The following POTEB3 variants were observed in gnomAD, a reference collection of about 807,000 sequenced individuals.
POTEB3 encodes the protein POTE ankyrin domain family member B3, also known as ANKRD26-like family B member 1.
POTEB3 carries 5 observed loss-of-function variants against 39.8 expected under a neutral mutation model. The ratio of observed to expected loss-of-function variants is 0.13; its 90% CI spans 0.07 to 0.26. POTEB3 has a LOEUF of 0.26. Among genes scored for constraint, POTEB3 ranks in the 10% least tolerant of loss-of-function variants. The pLI is 1.00. For synonymous variants in POTEB3, 5 were observed against 161.5 expected (o/e 0.03, Z 7.35); for missense variants, 24 against 475.6 (o/e 0.05, Z 8.83).
intron 3 of POTEB3, among the ~76,000 whole-genome samples, chr15:21,434,117 C>T (rs1163373860): frequency 7.0e-6 from 1 of 142,426 alleles, no homozygotes; most frequent in African/African-American, 2.7e-5. Flanking sequence ...TCCCCCATTA[C>T]CTAATTTCCA....
At chr15:21,424,860 T>G (rs1364614813) in intron 6 of POTEB3, among the ~76,000 whole-genome samples, 84 of 146,622 alleles carry the variant, frequency 5.7e-4, no homozygotes, top group African/African-American at 2.1e-3. Context: ...CTGCCTCTGC[T>G]TTATATTACC....
chr15:21,409,976 T>A (rs1436809322), intron 10 of POTEB3, among the ~76,000 whole-genome samples: 1 of 82,374 alleles, frequency 1.2e-5, no homozygotes, highest in South Asian at 2.9e-4. Context: ...CCATCTAGAA[T>A]ACACACACAC....
In POTEB3 at chr15:21,410,748, T is replaced by TACAC. The variant is rs1354320634; in HGVS notation, c.1533+129_1533+130insGTGT. On this transcript the variant is annotated intron_variant, in intron 10 of 10. Transcript: ENST00000611217. ...GGGGGTGTGTGTGTGTGTGTGTATA[T>TACAC]ATACACACACACAGACACACACACA... is the stretch of plus-strand genomic sequence containing the variant. 8 of 592,560 alleles carry TACAC rather than the reference T, an allele frequency of 1.4e-5. No homozygotes were observed. In the African/African-American group the frequency reaches 4.8e-4, roughly 36 times the overall value. The allele number at this position is 592,560 out of a possible 1,614,324, so 36.7% of individuals were successfully genotyped here.
At position 21,405,677 on chromosome 15, in the gene POTEB3, C is replaced by G. The variant is rs1419239607; in HGVS notation, c.*3306G>C. On this transcript the variant is annotated 3_prime_UTR_variant, in exon 11 of 11. Coordinates refer to ENST00000611217, the MANE Select transcript of POTEB3 (RefSeq NM_207355.5). ...CTTCAGGAGCTCTTGTAAGGTAGGT[C>G]TGGTGATAATGAATTCCCTCAGCAT... Among the ~76,000 whole-genome samples the G allele has an allele frequency of 1.2e-5, 1 of 82,024 alleles. No homozygotes were observed. Among genetic ancestry groups the G allele is most frequent in the Non-Finnish European group, 2.2e-5 (1 of 46,350 alleles). 53.8% of individuals were successfully genotyped at this position (82,024 alleles called of 152,430 possible).
intron 5 of POTEB3, among the ~76,000 whole-genome samples, chr15:21,428,634 AT>A (rs374676056): frequency 7.1e-6 from 1 of 141,596 alleles, no homozygotes; most frequent in Non-Finnish European, 1.6e-5. Context: ...CTCTACTTTT[AT>A]TTTTTTTCAG....
chr15:21,433,815 G>T (rs1431559697), intron 3 of POTEB3, among the ~76,000 whole-genome samples: 1 of 151,246 alleles, frequency 6.6e-6, no homozygotes, highest in Non-Finnish European at 1.5e-5. Context: ...ATACTAAGTT[G>T]GTTAATTACT....
At chr15:21,410,827 T>C in intron 10 of POTEB3, 51 bp downstream of exon 10, 1 of 976,800 alleles carries the variant, frequency 1.0e-6, no homozygotes, top group East Asian at 4.2e-5. Flanking sequence ...ATAAAGCTTT[T>C]TAAAAATATA....
chr15:21,433,412 A>C (rs1899054668), intron 3 of POTEB3, among the ~76,000 whole-genome samples: 1 of 149,810 alleles, frequency 6.7e-6, no homozygotes, highest in Non-Finnish European at 1.5e-5. Flanking sequence ...TTAAACATAC[A>C]TATCCAGGCT....
At position 21,411,912 on chromosome 15, in the gene POTEB3, C is replaced by G; in HGVS notation, c.1410-911G>C. ...CTTATTAAGAAGAAAACTGGGAAGCCCTAGGCAGAGCAATTGGGCAAGAGA... is the reference window on the plus strand; with the variant it reads ...CTTATTAAGAAGAAAACTGGGAAGCGCTAGGCAGAGCAATTGGGCAAGAGA... On this transcript the variant is annotated intron_variant, in intron 9 of 10. Coordinates refer to ENST00000611217, the MANE Select transcript of POTEB3 (RefSeq NM_207355.5). Among the ~76,000 whole-genome samples, 3 of 69,162 alleles carry G rather than the reference C, an allele frequency of 4.3e-5. No homozygotes were observed. The South Asian group carries it at 1.1e-3, about 25-fold the overall frequency. The allele number at this position is 69,162 out of a possible 152,430, so 45.4% of individuals were successfully genotyped here.
intron 6 of POTEB3, among the ~76,000 whole-genome samples, chr15:21,427,096 A>AT (rs55880453): frequency 3.3e-5 from 5 of 149,784 alleles, no homozygotes; most frequent in Admixed American, 6.6e-5. Context: ...CCTTACTTTT[A>AT]TTTTTTTATC....
At chr15:21,423,419 T>TGCTATG (rs1198740339) in intron 6 of POTEB3, among the ~76,000 whole-genome samples, 1 of 54,068 alleles carries the variant, frequency 1.8e-5, no homozygotes, top group Non-Finnish European at 3.9e-5. Flanking sequence ...TTTAAAACAA[T>TGCTATG]GCTATGGGAA....
chr15:21,424,375 T>TAA (rs1898593490), intron 6 of POTEB3, among the ~76,000 whole-genome samples: 1 of 53,486 alleles, frequency 1.9e-5, no homozygotes, highest in Non-Finnish European at 3.6e-5. Flanking sequence ...ACCCAGTCCA[T>TAA]AAATTCTAAG....
intron 6 of POTEB3, among the ~76,000 whole-genome samples, chr15:21,423,375 G>A (rs1218855893): frequency 5.1e-5 from 4 of 77,964 alleles, no homozygotes; most frequent in Non-Finnish European, 8.1e-5. Context: ...GCAATTACAG[G>A]TGTGAGCCAC....
At chr15:21,431,043 C>G (rs1356526973) in intron 4 of POTEB3, among the ~76,000 whole-genome samples, 5 of 149,648 alleles carry the variant, frequency 3.3e-5, no homozygotes, top group Admixed American at 6.6e-5. Context: ...TAAACCCAGT[C>G]TTGTGTGAAT....
chr15:21,419,633 T>C lies in POTEB3; in HGVS notation c.1243-3A>G. On this transcript the variant is annotated splice_polypyrimidine_tract_variant and splice_region_variant and intron_variant, in intron 8 of 10. Transcript: ENST00000611217. ...TGCTTCTTTATTTCTTCTTCAACCTTGAGTGGAAGTTTGATATTAAGGATG... is the reference window on the plus strand; with the variant it reads ...TGCTTCTTTATTTCTTCTTCAACCTCGAGTGGAAGTTTGATATTAAGGATG... 1.3e-6 allele frequency: 1 copy of C among 744,010 alleles called. No homozygotes were observed. The allele number at this position is 744,010 out of a possible 1,614,324, so 46.1% of individuals were successfully genotyped here. A position where few individuals can be genotyped will look rare whatever the true frequency, so the allele number is the denominator to read the frequency against.
chr15:21,422,750 G>C (rs1372921228), intron 6 of POTEB3, among the ~76,000 whole-genome samples: 1 of 151,408 alleles, frequency 6.6e-6, no homozygotes, highest in Non-Finnish European at 1.5e-5. Context: ...CATATATTTT[G>C]CAAATTCTTG....
rs1263844524 is a variant in POTEB3, at chr15:21,424,920, A to C, written c.1127-2730T>G. On this transcript the variant is annotated intron_variant, in intron 6 of 10. Coordinates refer to ENST00000611217, the MANE Select transcript of POTEB3 (RefSeq NM_207355.5). ...TACAAAATGGCTTTTATTACAAAAAAGCCTTCCAACTATTAATGTTATTTC... is the reference window on the plus strand; with the variant it reads ...TACAAAATGGCTTTTATTACAAAAACGCCTTCCAACTATTAATGTTATTTC... 4.6e-4 allele frequency: 68 copies of C among 147,014 alleles called. 1 individual carries two copies. Among genetic ancestry groups the C allele is most frequent in the African/African-American group, 1.5e-3 (61 of 39,384 alleles). The allele number at this position is 147,014 out of a possible 1,614,324, so 9.1% of individuals were successfully genotyped here.
chr15:21,434,107 T>TC (rs1362530535), intron 3 of POTEB3, among the ~76,000 whole-genome samples: 1 of 142,826 alleles, frequency 7.0e-6, no homozygotes, highest in Non-Finnish European at 1.5e-5. Flanking sequence ...CATGGTCTTT[T>TC]CCCCCATTAC....
At chr15:21,433,769 G>T (rs1273661673) in intron 3 of POTEB3, among the ~76,000 whole-genome samples, 1 of 150,774 alleles carries the variant, frequency 6.6e-6, no homozygotes, top group African/African-American at 2.5e-5. Flanking sequence ...TGAAAGCAGA[G>T]TTGAGACTCT....
Sources: gnomAD v4.1 joint callset for allele counts (sites outside exome capture counted in the v4.1 genomes callset) on GRCh38, gnomAD v4.1.1 for gene constraint, MANE v1.5 for transcripts, NCBI Gene and HGNC (gene_info 2026-07-23, HGNC 2026-07-21) for gene names.